Variants in DLGAP2 observed in about 807,000 individuals in gnomAD.
The protein encoded by DLGAP2 is DLG associated protein 2.
In DLGAP2, 26 loss-of-function variants were observed where a neutral mutation model predicts 100.3. The ratio of observed to expected loss-of-function variants is 0.26; its 90% confidence interval spans 0.19 to 0.36. The LOEUF is 0.36. Among genes scored for constraint, DLGAP2 ranks in the 10% least tolerant of loss-of-function variants. DLGAP2 has a pLI of 1.00. For missense variants in DLGAP2, 1,858 were observed against 1,453.2 expected (o/e 1.28, Z -4.53); for synonymous variants, 886 against 630.1 (o/e 1.41, Z -6.08).
chr8:1,376,046 CA>C lies in DLGAP2; in HGVS notation c.106+117164del, dbSNP rs1159808339. On this transcript the variant is annotated intron_variant, in intron 3 of 14. Transcript: ENST00000637795. ...CCACCTCCTACATTTGGGTTAACGACACCTCTCCACGGCCTCAGAACTGAGC... is the reference window on the plus strand; with the variant it reads ...CCACCTCCTACATTTGGGTTAACGACCCTCTCCACGGCCTCAGAACTGAGC... Among the ~76,000 whole-genome samples, 511 of 67,662 alleles carry C rather than the reference CA, an allele frequency of 7.6e-3. 3 individuals are homozygous for C. Among genetic ancestry groups the C allele is most frequent in the Non-Finnish European group, 9.8e-3 (309 of 31,406 alleles). The allele number at this position is 67,662 out of a possible 152,430, so 44.4% of individuals were successfully genotyped here. A position where few individuals can be genotyped will look rare whatever the true frequency, so the allele number is the denominator to read the frequency against.
chr8:1,582,715 G>C (rs937663026), intron 6 of DLGAP2, among the ~76,000 whole-genome samples: 1 of 152,046 alleles, frequency 6.6e-6, no homozygotes, highest in Non-Finnish European at 1.5e-5. Context: ...TCAGCCTCCC[G>C]AGCAGCTGGG....
At chr8:1,419,654 C>G (rs1204950940) in intron 3 of DLGAP2, among the ~76,000 whole-genome samples, 1 of 152,252 alleles carries the variant, frequency 6.6e-6, no homozygotes, top group South Asian at 2.1e-4. Context: ...AAATCAAAAC[C>G]ACACTGAGAT....
intron 2 of DLGAP2, among the ~76,000 whole-genome samples, chr8:1,050,809 G>T (rs368901297): frequency 1.3e-5 from 2 of 152,164 alleles, no homozygotes; most frequent in Admixed American, 6.5e-5. Context: ...GGAGGTCTGT[G>T]GAGGGATGAA....
intron 6 of DLGAP2, among the ~76,000 whole-genome samples, chr8:1,595,328 C>G (rs914097786): frequency 3.3e-5 from 5 of 151,958 alleles, no homozygotes; most frequent in East Asian, 1.9e-4. Flanking sequence ...AGAGAAGAAA[C>G]AATAGGTTCC....
intron 2 of DLGAP2, among the ~76,000 whole-genome samples, chr8:1,196,007 G>A (rs1303509378): frequency 6.6e-6 from 1 of 152,228 alleles, no homozygotes; most frequent in Non-Finnish European, 1.5e-5. Context: ...ACGTTCGTGA[G>A]CAGAGTTAAG....
chr8:1,185,033 G>A (rs977844183), intron 2 of DLGAP2, among the ~76,000 whole-genome samples: 2 of 152,134 alleles, frequency 1.3e-5, no homozygotes, highest in Admixed American at 6.5e-5. Flanking sequence ...GGGGACGGGG[G>A]ATGGTGAAGT....
intron 6 of DLGAP2, among the ~76,000 whole-genome samples, chr8:1,571,636 TG>T (rs1802691001): frequency 2.7e-5 from 2 of 73,678 alleles, no homozygotes; most frequent in African/African-American, 5.5e-5. Context: ...GGGTGAACTA[TG>T]GGGGCATCTG....
intron 2 of DLGAP2, among the ~76,000 whole-genome samples, chr8:1,090,719 G>A (rs1199991457): frequency 3.3e-5 from 5 of 152,206 alleles, no homozygotes; most frequent in African/African-American, 7.2e-5. Context: ...GCACCCTGGG[G>A]TTTGTTTTCT....
intron 2 of DLGAP2, among the ~76,000 whole-genome samples, chr8:1,174,825 T>G (rs1797219496): frequency 6.6e-6 from 1 of 152,130 alleles, no homozygotes; most frequent in Admixed American, 6.5e-5. Flanking sequence ...TCATCTAGAC[T>G]ATAGCAGCTG....
At chr8:1,563,471 CCGCGCCTCGTTACTGGGGGACTGTGT>C (rs1433378731) in intron 5 of DLGAP2, among the ~76,000 whole-genome samples, 7 of 122,942 alleles carry the variant, frequency 5.7e-5, no homozygotes, top group African/African-American at 6.2e-5. Context: ...GTTGGGGTGT[CCGCGCCTCGTTACTGGGGGACTGTGT>C]GGTGTTGGGG....
chr8:1,259,395 A>C (rs1440729932), intron 3 of DLGAP2, among the ~76,000 whole-genome samples: 1 of 152,218 alleles, frequency 6.6e-6, no homozygotes, highest in Non-Finnish European at 1.5e-5. Context: ...AGGGCCCCTG[A>C]GTCTGTCATT....
At chr8:1,532,535 C>G (rs1316499764) in intron 4 of DLGAP2, among the ~76,000 whole-genome samples, 2 of 152,096 alleles carry the variant, frequency 1.3e-5, no homozygotes, top group South Asian at 2.1e-4. Flanking sequence ...TTTTATGGCT[C>G]TTAAGATTTG....
chr8:838,192 T>C (rs1796917170), intron 1 of DLGAP2, among the ~76,000 whole-genome samples: 1 of 152,148 alleles, frequency 6.6e-6, no homozygotes, highest in Non-Finnish European at 1.5e-5. Flanking sequence ...ATCGTACTTC[T>C]TGTCTTTCCC....
At chr8:747,557 G>GT in intron 1 of DLGAP2, among the ~76,000 whole-genome samples, 1 of 145,570 alleles carries the variant, frequency 6.9e-6, no homozygotes, top group Admixed American at 6.9e-5. Context: ...GCGCAGGGCG[G>GT]GGGTGGGGGG....
rs114175147 is a variant in DLGAP2 at position 1,676,977 on chromosome 8, G to A, written c.2288+359G>A. On this transcript the variant is annotated intron_variant, in intron 11 of 14. Coordinates refer to ENST00000637795, the MANE Select transcript of DLGAP2 (RefSeq NM_001346810.2). The stretch of plus-strand genomic sequence containing the variant: ...TTACACGTAAAACGATAGAAAGACA[G>A]CAAAGCACGTTCAAGGCCTTCATAC... Among the ~76,000 whole-genome samples, 315 of 152,320 alleles carry A rather than the reference G, an allele frequency of 2.1e-3. 2 individuals carry two copies. The highest frequency in any genetic ancestry group is 7.3e-3 in the African/African-American group (304 of 41,582).
chr8:889,655 G>A lies in DLGAP2; in HGVS notation c.19-18257G>A, dbSNP rs1397905535. Among the ~76,000 whole-genome samples the A allele has an allele frequency of 3.9e-5, 6 of 152,342 alleles. No individual in the cohort carries two copies. In the East Asian group the frequency reaches 9.6e-4, roughly 24 times the overall value. On this transcript the variant is annotated intron_variant, in intron 1 of 14. Transcript: ENST00000637795. ...TCCCTGGCTCCAGTAGGGGAAGAGC[G>A]CAGCCTGGAGCTATAGAAATGGGTG...
At chr8:764,268 T>G (rs1821155154) in intron 1 of DLGAP2, among the ~76,000 whole-genome samples, 1 of 152,208 alleles carries the variant, frequency 6.6e-6, no homozygotes, top group Admixed American at 6.5e-5. Flanking sequence ...GGTGAGGAAG[T>G]GTGGGGTACA....
rs545624205 is a variant in DLGAP2, at chr8:1,329,665, A to C, written c.106+70782A>C. Among the ~76,000 whole-genome samples the C allele has an allele frequency of 6.6e-5, 10 of 152,226 alleles. No individual in the cohort carries two copies. In the East Asian group the frequency reaches 1.9e-3, roughly 29 times the overall value. On this transcript the variant is annotated intron_variant, in intron 3 of 14. Transcript: ENST00000637795. ...GGGCCCTAAGTGAGGTTGCCTTCTA[A>C]CTGCAGAGACCATGGGGGTGAATGA...
At chr8:1,209,448 T>C (rs1406476405) in intron 2 of DLGAP2, among the ~76,000 whole-genome samples, 2 of 152,218 alleles carry the variant, frequency 1.3e-5, no homozygotes, top group Admixed American at 1.3e-4. Context: ...TCATTGCATA[T>C]GTAGTCCTAG....
Sources: allele counts gnomAD v4.1 joint callset (sites outside exome capture counted in the v4.1 genomes callset), GRCh38; gene constraint gnomAD v4.1.1; transcripts MANE v1.5; gene names NCBI Gene and HGNC (gene_info 2026-07-23, HGNC 2026-07-21).